ZNF544: variants seen among roughly 807,000 people sequenced by gnomAD.
The protein encoded by ZNF544 is zinc finger protein 544.
ZNF544 carries 10 observed loss-of-function variants against 13.5 expected under a neutral mutation model. That is an observed-to-expected ratio of 0.74 (90% CI 0.46 to 1.25). The LOEUF is 1.25. Among genes scored for constraint, ZNF544 ranks in the 50% most tolerant of loss-of-function variants. The pLI is 0.00. For missense variants in ZNF544, 896 were observed against 845.6 expected (o/e 1.06, Z -0.74); for synonymous variants, 323 against 300.5 (o/e 1.07, Z -0.77).
At position 58,262,137 on chromosome 19, in the gene ZNF544, C is replaced by G. The variant is rs2049097860; in HGVS notation, c.1531C>G (p.Gln511Glu). 1 of 1,613,422 alleles carries G rather than the reference C, an allele frequency of 6.2e-7. No homozygotes were observed. The highest frequency in any genetic ancestry group is 1.7e-5 in the Admixed American group (1 of 59,898). ...FSQKYDLVVH[Q>E]RTHTGEKPYE... is the part of the protein sequence containing the mutation. ...CCAGAAGTATGACCTTGTTGTACAT[C>G]AGAGGACACACACTGGAGAGAAGCC... Residue 511 changes from glutamine (Q) to glutamate (E), a missense_variant, in exon 7 of 7, where the codon CAG (glutamine) becomes GAG (glutamate). Transcript: ENST00000687789.
intron 4 of ZNF544, among the ~76,000 whole-genome samples, chr19:58,245,591 T>C (rs1191231306): frequency 6.6e-6 from 1 of 152,180 alleles, no homozygotes; most frequent in Non-Finnish European, 1.5e-5. Context: ...TGAGCCACCG[T>C]GCCCGGTCAA....
intron 5 of ZNF544, among the ~76,000 whole-genome samples, chr19:58,272,962 T>C (rs1364886991): frequency 6.6e-6 from 1 of 151,692 alleles, no homozygotes; most frequent in Non-Finnish European, 1.5e-5. Flanking sequence ...GTTGGGCAGA[T>C]TGCAAGTTCA....
chr19:58,237,490 T>C (rs912932716), intron 3 of ZNF544, among the ~76,000 whole-genome samples: 1 of 152,224 alleles, frequency 6.6e-6, no homozygotes, highest in African/African-American at 2.4e-5. Flanking sequence ...TGATTTCATC[T>C]TGGGGCCTAG....
chr19:58,233,652 A>C (rs2041814780), intron 3 of ZNF544, among the ~76,000 whole-genome samples: 1 of 152,204 alleles, frequency 6.6e-6, no homozygotes, highest in Admixed American at 6.5e-5. Flanking sequence ...TGTGTACACA[A>C]GGCCCCTCCT....
intron 6 of ZNF544, among the ~76,000 whole-genome samples, chr19:58,248,651 C>T (rs565925236): frequency 4.6e-5 from 7 of 152,282 alleles, no homozygotes; most frequent in African/African-American, 1.7e-4. Context: ...CTGTGCTCTA[C>T]CCATTCATCC....
intron 3 of ZNF544, among the ~76,000 whole-genome samples, chr19:58,230,803 T>C (rs2041041694): frequency 6.6e-6 from 1 of 152,062 alleles, no homozygotes; most frequent in South Asian, 2.1e-4. Flanking sequence ...CACTGGGATA[T>C]GGATTCATCT....
At chr19:58,253,981 C>T (rs556914208) in intron 6 of ZNF544, among the ~76,000 whole-genome samples, 2 of 152,270 alleles carry the variant, frequency 1.3e-5, no homozygotes, top group East Asian at 3.9e-4. Flanking sequence ...GTGGCTCACG[C>T]CTGTAATCCC....
At position 58,262,119 on chromosome 19, in the gene ZNF544, T is replaced by C. The variant is rs143584979; in HGVS notation, c.1513T>C (p.Tyr505His). Residue 505 changes from tyrosine (Y) to histidine (H), a missense_variant, in exon 7 of 7, where the codon TAT becomes CAT. Tyr to His is a moderately conservative substitution (Grantham distance 83). Transcript: ENST00000687789. ...GTGTGGGAAATCTTTCAGCCAGAAG[T>C]ATGACCTTGTTGTACATCAGAGGAC... is the stretch of plus-strand genomic sequence containing the variant. ...TQCGKSFSQK[Y>H]DLVVHQRTHT... 13 of 1,610,256 alleles carry C rather than the reference T, an allele frequency of 8.1e-6. No homozygotes were observed. The highest frequency in any genetic ancestry group is 1.1e-5 in the Non-Finnish European group (13 of 1,179,260).
chr19:58,260,652 T>A (rs1390546538), intron 6 of ZNF544, 199 bp from the exon 7 acceptor site: 2 of 535,576 alleles, frequency 3.7e-6, no homozygotes, highest in Non-Finnish European at 6.5e-6. Context: ...TTTATTATGT[T>A]TGCTTGTATT....
At chr19:58,264,351 T>C (rs1600411130), downstream of ZNF544, among the ~76,000 whole-genome samples, 2 of 129,550 alleles carry the variant, frequency 1.5e-5, no homozygotes, top group Non-Finnish European at 3.1e-5. Context: ...GCCATTGTGC[T>C]CCAGCCTGGG....
At chr19:58,252,065 G>A (rs968855387) in intron 6 of ZNF544, among the ~76,000 whole-genome samples, 2 of 152,130 alleles carry the variant, frequency 1.3e-5, no homozygotes, top group African/African-American at 4.8e-5. Context: ...AGCCAATAAA[G>A]GTGTCTGTTA....
rs759167858 is a variant in ZNF544, at chr19:58,246,731, G to C, written c.181G>C (p.Asp61His). The stretch of plus-strand genomic sequence containing the variant: ...ACCAGGGCTTTTCCTTTCCAAATCT[G>C]ATGTGATCTCTCAGCTGGAGCAAGA... ...VSLGLFLSKS[D>H]VISQLEQEED... Residue 61 changes from aspartate (D) to histidine (H), a missense_variant, in exon 6 of 7, where the codon GAT becomes CAT. Coordinates refer to ENST00000687789, the MANE Select transcript of ZNF544 (RefSeq NM_014480.4). The C allele has an allele frequency of 3.1e-6, 5 of 1,614,106 alleles. No homozygotes were observed. Among genetic ancestry groups the C allele is most frequent in the Non-Finnish European group, 4.2e-6 (5 of 1,179,998 alleles).
chr19:58,270,034 A>C (rs2050437187), intron 5 of ZNF544, among the ~76,000 whole-genome samples: 1 of 152,218 alleles, frequency 6.6e-6, no homozygotes, highest in Non-Finnish European at 1.5e-5. Context: ...ATGTTTATTC[A>C]CCCATAACTT....
intron 6 of ZNF544, chr19:58,251,409 T>C (rs755217261): frequency 9.6e-6 from 5 of 518,700 alleles, no homozygotes; most frequent in Non-Finnish European, 1.5e-5. Flanking sequence ...CAGAAAGATG[T>C]ATCCAACTAT....
intron 3 of ZNF544, 110 bp from the exon 4 acceptor site, chr19:58,243,855 G>A (rs543059106): frequency 3.0e-5 from 25 of 829,004 alleles, no homozygotes; most frequent in South Asian, 1.8e-4. Context: ...GCCCATTCCC[G>A]CACCTGGGAA....
intron 6 of ZNF544, among the ~76,000 whole-genome samples, chr19:58,256,610 T>C (rs1396074126): frequency 1.3e-5 from 2 of 152,210 alleles, no homozygotes; most frequent in Non-Finnish European, 2.9e-5. Flanking sequence ...TAATTAGATA[T>C]ATAGGGTCTA....
chr19:58,254,016 A>G (rs1391641243), intron 6 of ZNF544, among the ~76,000 whole-genome samples: 1 of 152,182 alleles, frequency 6.6e-6, no homozygotes, highest in Non-Finnish European at 1.5e-5. Context: ...CGAGGTCAGG[A>G]GATCAAGACC....
At chr19:58,230,686 G>T (rs1202408774) in intron 3 of ZNF544, among the ~76,000 whole-genome samples, 3 of 152,172 alleles carry the variant, frequency 2.0e-5, no homozygotes, top group Admixed American at 6.5e-5. Flanking sequence ...GTGTGTGTTT[G>T]GGAGTGAGAG....
chr19:58,272,090 G>A (rs1229887926), intron 5 of ZNF544, among the ~76,000 whole-genome samples: 1 of 151,038 alleles, frequency 6.6e-6, no homozygotes, highest in Non-Finnish European at 1.5e-5. Context: ...GAACCCGGGA[G>A]TTGGAGATTG....
Sources: gnomAD v4.1 joint callset for allele counts (sites outside exome capture counted in the v4.1 genomes callset) on GRCh38, gnomAD v4.1.1 for gene constraint, MANE v1.5 for transcripts, NCBI Gene and HGNC (gene_info 2026-07-23, HGNC 2026-07-21) for gene names.